Variants in TNRC6C observed in about 807,000 individuals in gnomAD.
The protein encoded by TNRC6C is trinucleotide repeat-containing gene 6C protein.
Under a neutral mutation model 153.7 loss-of-function variants are expected in TNRC6C, and 20 were observed. That is an observed-to-expected ratio of 0.13 (90% CI 0.09 to 0.19). The LOEUF is 0.19. Ranked by LOEUF, TNRC6C falls within the 10% of genes least tolerant of loss-of-function variation. The pLI is 1.00. For missense variants in TNRC6C, 1,987 were observed against 2,172.0 expected, an observed-to-expected ratio of 0.91 and a Z score of 1.69; for synonymous variants, 811 against 841.4, an observed-to-expected ratio of 0.96 and a Z score of 0.63.
rs2073138286 is a variant in TNRC6C, at chr17:78,079,338, A to G, written c.3211-57A>G. ...AAATAGATCATTTCACCCTACCTCC[A>G]AACAATGTTACTCTAATGCCTGCCT... On this transcript the variant is annotated intron_variant, in intron 9 of 19. Transcript: ENST00000301624. This position sits in a 1 kb window ranked among gnomAD's most constrained non-coding sequence, Gnocchi z 4.3. 2.5e-6 allele frequency: 4 copies of G among 1,592,438 alleles called. No individual in the cohort carries two copies. Among genetic ancestry groups the G allele is most frequent in the Non-Finnish European group, 3.4e-6 (4 of 1,163,126 alleles).
chr17:78,006,575 CCTTCTT>C (rs757043029), intron 1 of TNRC6C, among the ~76,000 whole-genome samples: 3 of 135,674 alleles, frequency 2.2e-5, no homozygotes, highest in Admixed American at 7.7e-5. Flanking sequence ...CTTCCTTCTT[CCTTCTT>C]CTTCCTTCTT....
intron 5 of TNRC6C, among the ~76,000 whole-genome samples, chr17:78,070,651 G>A (rs190521968): frequency 6.6e-6 from 1 of 152,168 alleles, no homozygotes. Flanking sequence ...TCTTCTTGCT[G>A]CCTCTTTACT....
upstream of TNRC6C, among the ~76,000 whole-genome samples, chr17:77,958,768 A>AGCC (rs535480420): frequency 0.028 from 4,177 of 149,920 alleles, 171 homozygotes; most frequent in African/African-American, 0.096. Context: ...CGGGAGCCGT[A>AGCC]GCCGCCGCCG....
At chr17:77,957,749 G>C (rs1332940012), upstream of TNRC6C, among the ~76,000 whole-genome samples, 2 of 152,182 alleles carry the variant, frequency 1.3e-5, no homozygotes, top group East Asian at 1.9e-4. Flanking sequence ...AAGTTAAAAA[G>C]GGACTTTTCG....
chr17:77,971,067 G>A (rs964274018), intron 1 of TNRC6C, among the ~76,000 whole-genome samples: 4 of 152,036 alleles, frequency 2.6e-5, no homozygotes, highest in South Asian at 2.1e-4. Flanking sequence ...TTAGTAACAC[G>A]GGCAATGTAA....
intron 1 of TNRC6C, among the ~76,000 whole-genome samples, chr17:78,010,244 A>G (rs2071601561): frequency 6.6e-6 from 1 of 152,240 alleles, no homozygotes. Context: ...GCAGTGAGGT[A>G]TTAAACTTTA....
At chr17:78,052,659 A>G (rs915655737) in intron 3 of TNRC6C, among the ~76,000 whole-genome samples, 3 of 151,902 alleles carry the variant, frequency 2.0e-5, no homozygotes, top group Non-Finnish European at 4.4e-5. Flanking sequence ...CAACAGGAGA[A>G]TGTCCTGCCT....
upstream of TNRC6C, among the ~76,000 whole-genome samples, chr17:78,000,584 A>AAC (rs1247083051): frequency 6.8e-6 from 1 of 146,414 alleles, no homozygotes; most frequent in Non-Finnish European, 1.5e-5. Context: ...AGTGGCATGT[A>AAC]ACACACACAC....
exon 9 of TNRC6C, chr17:78,077,284 G>A (rs1243670877): frequency 3.8e-6 from 6 of 1,590,716 alleles, no homozygotes; most frequent in Middle Eastern, 1.7e-4. Flanking sequence ...TCAGGCCCTG[G>A]GTGGGATTGC....
chr17:78,095,211 C>A (rs2073463438), intron 16 of TNRC6C, among the ~76,000 whole-genome samples: 1 of 152,226 alleles, frequency 6.6e-6, no homozygotes, highest in South Asian at 2.1e-4. Context: ...AGAACCAGGG[C>A]CACTGGGAGT....
intron 1 of TNRC6C, among the ~76,000 whole-genome samples, chr17:78,010,352 G>A (rs1434310093): frequency 6.6e-6 from 1 of 152,206 alleles, no homozygotes; most frequent in Non-Finnish European, 1.5e-5. Context: ...GTCTTCAGTT[G>A]AGTGATGGAG....
At chr17:78,093,982 C>CTT (rs11313921) in intron 16 of TNRC6C, among the ~76,000 whole-genome samples, 4 of 141,342 alleles carry the variant, frequency 2.8e-5, no homozygotes, top group Admixed American at 7.1e-5. Context: ...ATTATTATTA[C>CTT]TTTTTTTTTT....
upstream of TNRC6C, among the ~76,000 whole-genome samples, chr17:78,002,402 G>A (rs749321347): frequency 5.9e-5 from 9 of 152,158 alleles, no homozygotes; most frequent in Non-Finnish European, 8.8e-5. Flanking sequence ...TGTGGCTCCC[G>A]ACTGTAACAG....
intron 2 of TNRC6C, among the ~76,000 whole-genome samples, chr17:78,035,924 T>C (rs781499768): frequency 2.0e-5 from 3 of 152,342 alleles, no homozygotes; most frequent in South Asian, 4.1e-4. Flanking sequence ...CATTGTACTT[T>C]AATCTGTCAC....
intron 16 of TNRC6C, 95 bp downstream of exon 18, chr17:78,093,858 G>A: frequency 1.3e-6 from 2 of 1,503,218 alleles, no homozygotes; most frequent in Non-Finnish European, 1.8e-6. Context: ...AGGCAGGGAT[G>A]ATACAAGGCA....
At chr17:78,024,721 T>G (rs1236208885) in intron 1 of TNRC6C, among the ~76,000 whole-genome samples, 1 of 151,942 alleles carries the variant, frequency 6.6e-6, no homozygotes, top group African/African-American at 2.4e-5. Flanking sequence ...AAAGTTCCCA[T>G]GTATTCCCTC....
At chr17:78,064,919 T>C (rs1179231191) in exon 4 of TNRC6C, 1 of 1,610,718 alleles carries the variant, frequency 6.2e-7, no homozygotes. Flanking sequence ...TGTTGCTGCC[T>C]CAGCCCTGTG....
intron 3 of TNRC6C, among the ~76,000 whole-genome samples, chr17:78,060,735 T>C (rs1481958155): frequency 1.3e-5 from 2 of 152,160 alleles, no homozygotes; most frequent in Non-Finnish European, 2.9e-5. Flanking sequence ...TTAATTACAA[T>C]TGGCCACCTT....
chr17:78,104,872 GCCGACCCCTCCC>G lies in TNRC6C; in HGVS notation c.*28_*39del. 3 of 1,393,310 alleles carry G rather than the reference GCCGACCCCTCCC, an allele frequency of 2.2e-6. No individual in the cohort carries two copies. The highest frequency in any genetic ancestry group is 2.8e-6 in the Non-Finnish European group (3 of 1,077,404). 86.3% of individuals were successfully genotyped at this position (1,393,310 alleles called of 1,614,324 possible). ...CTCTGCCATCATCAGCACCAGGAGA[GCCGACCCCTCCC>G]GGGACCCCTCCCGGCTGGGCGGCCC... is the stretch of plus-strand genomic sequence containing the variant. On this transcript the variant is annotated 3_prime_UTR_variant, in exon 20 of 20. Coordinates refer to ENST00000301624, the Ensembl canonical transcript of TNRC6C. The surrounding 1 kb of genome is among the most constrained non-coding windows in gnomAD (Gnocchi z 6.2).
Sources: allele counts gnomAD v4.1 joint callset (sites outside exome capture counted in the v4.1 genomes callset), GRCh38; gene constraint gnomAD v4.1.1; non-coding constraint Gnocchi (gnomAD v3.1); transcripts MANE v1.5; gene names NCBI Gene and HGNC (gene_info 2026-07-23, HGNC 2026-07-21).